DST: variants seen among roughly 807,000 people sequenced by gnomAD.
DST encodes the protein bullous pemphigoid antigen.
A neutral mutation model predicts 875.2 loss-of-function variants in DST; 253 were observed. The observed-to-expected ratio is 0.29, with a 90% CI of 0.26 to 0.32. The LOEUF (loss-of-function observed/expected upper bound fraction) is 0.32, where lower values mean the gene tolerates loss of function less well. Ranked by LOEUF, DST falls within the 10% of genes least tolerant of loss-of-function variation. DST has a pLI of 1.00. For synonymous variants in DST, 3,124 were observed against 3,197.1 expected (o/e 0.98, Z 0.77); for missense variants, 8,287 against 9,111.6 (o/e 0.91, Z 3.68).
At chr6:56,694,033 G>A (rs1286592970) in intron 9 of DST, among the ~76,000 whole-genome samples, 1 of 148,838 alleles carries the variant, frequency 6.7e-6, no homozygotes, top group Non-Finnish European at 1.5e-5. Context: ...AAATATATGT[G>A]CATTCATATA....
At chr6:56,625,067 G>C (rs1482669485) in intron 35 of DST, 90 bp downstream of exon 35, 6 of 884,822 alleles carry the variant, frequency 6.8e-6, no homozygotes, top group Non-Finnish European at 1.1e-5. Context: ...TTTATACTAT[G>C]TATATTTTAC....
intron 8 of DST, among the ~76,000 whole-genome samples, chr6:56,700,981 C>CCTT (rs1554643377): frequency 3.1e-5 from 4 of 128,500 alleles, no homozygotes; most frequent in Non-Finnish European, 6.5e-5. Flanking sequence ...TTTCTCTTGC[C>CCTT]TTTTTTTTTT....
At chr6:56,725,638 T>C (rs1241121726) in intron 5 of DST, among the ~76,000 whole-genome samples, 1 of 152,222 alleles carries the variant, frequency 6.6e-6, no homozygotes, top group African/African-American at 2.4e-5. Context: ...AGGAAACCAC[T>C]CTTTCTCCTC....
chr6:56,501,313 T>C, intron 79 of DST, 78 bp from the exon 80 acceptor site: 1 of 1,428,758 alleles, frequency 7.0e-7, no homozygotes, highest in Non-Finnish European at 9.4e-7. Flanking sequence ...AGGACAAAAA[T>C]AATTGTTTCA....
chr6:56,900,290 G>A (rs558068567), intron 3 of DST, 131 bp downstream of exon 3: 56 of 691,154 alleles, frequency 8.1e-5, no homozygotes, highest in African/African-American at 1.1e-4. Flanking sequence ...ATATGAGTAC[G>A]CTGCCACTTG....
chr6:56,601,492 T>C lies in DST; in HGVS notation c.11492A>G (p.Glu3831Gly). ...DVQESVTTQVERLETQLHLEQ... is the reference protein window; with the variant it reads ...DVQESVTTQVGRLETQLHLEQ... ...TAGATGTAACTGAGTCTCTAAACGTTCCACCTGGGTAGTTACTGACTCCTG... is the reference window on the plus strand; with the variant it reads ...TAGATGTAACTGAGTCTCTAAACGTCCCACCTGGGTAGTTACTGACTCCTG... The change falls in exon 44 of 104, where the codon GAA becomes GGA. Residue 3831 changes from glutamate to glycine, a missense_variant. Glu to Gly is a moderately conservative substitution (Grantham distance 98, BLOSUM62 -2). Coordinates refer to ENST00000680361, the MANE Select transcript of DST (RefSeq NM_001374736.1). 6.2e-7 allele frequency: 1 copy of C among 1,605,916 alleles called. No individual in the cohort carries two copies. The highest frequency in any genetic ancestry group is 8.5e-7 in the Non-Finnish European group (1 of 1,176,336).
intron 36 of DST, chr6:56,620,248 A>G (rs1450776687): frequency 1.2e-6 from 2 of 1,613,736 alleles, no homozygotes; most frequent in Non-Finnish European, 1.7e-6. Flanking sequence ...AATCATTGAG[A>G]CTTAAATCTT....
intron 4 of DST, among the ~76,000 whole-genome samples, chr6:56,838,167 C>A (rs1226258571): frequency 6.6e-6 from 1 of 152,162 alleles, no homozygotes; most frequent in South Asian, 2.1e-4. Context: ...TTCGAAACTA[C>A]AAATCATCTT....
chr6:56,629,435 T>C lies in DST; in HGVS notation c.4290A>G (p.Arg1430=), dbSNP rs2098759106. ...CCTGTCTCTTTTCATCTACTTCAGATCTCCATTGCTAAAATACATTAATTG... is the reference window on the plus strand; with the variant it reads ...CCTGTCTCTTTTCATCTACTTCAGACCTCCATTGCTAAAATACATTAATTG... ...ENLISTLKQW[R]SEVDEKRQVF... The change falls in exon 32 of 104, where the codon AGA becomes AGG. Residue 1430 remains arginine, a synonymous_variant. Transcript: ENST00000680361. 1 of 1,612,140 alleles carries C rather than the reference T, an allele frequency of 6.2e-7. No individual in the cohort carries two copies.
At chr6:56,639,229 A>G in intron 22 of DST, 30 bp downstream of exon 22, 1 of 1,537,418 alleles carries the variant, frequency 6.5e-7, no homozygotes. Context: ...ATCAATATTC[A>G]ACCAACACCA....
chr6:56,881,425 A>G (rs1782163414), intron 3 of DST, among the ~76,000 whole-genome samples: 1 of 152,106 alleles, frequency 6.6e-6, no homozygotes, highest in Non-Finnish European at 1.5e-5. Flanking sequence ...GTGAGCCAAG[A>G]CCATGCCATT....
intron 69 of DST, among the ~76,000 whole-genome samples, chr6:56,525,019 A>G (rs1326902954): frequency 6.6e-6 from 1 of 152,128 alleles, no homozygotes; most frequent in Non-Finnish European, 1.5e-5. Flanking sequence ...ACCTTGAAGA[A>G]CCTGGCCACA....
chr6:56,521,515 T>C (rs2096704330), intron 69 of DST, among the ~76,000 whole-genome samples: 1 of 143,766 alleles, frequency 7.0e-6, no homozygotes, highest in South Asian at 2.1e-4. Context: ...ATAAACAGTA[T>C]GGTGATACCA....
intron 4 of DST, among the ~76,000 whole-genome samples, chr6:56,747,991 A>G (rs1436895298): frequency 6.6e-6 from 1 of 152,318 alleles, no homozygotes; most frequent in Admixed American, 6.5e-5. Flanking sequence ...AAATAAAATC[A>G]ACAAATTATA....
At chr6:56,787,653 T>C (rs918396329) in intron 4 of DST, among the ~76,000 whole-genome samples, 7 of 152,148 alleles carry the variant, frequency 4.6e-5, no homozygotes, top group African/African-American at 9.7e-5. Context: ...TAATTAACCA[T>C]AGTGATTAAT....
In DST at chr6:56,611,557, A is replaced by G. The variant is rs369856118; in HGVS notation, c.5098T>C (p.Ser1700Pro). The change falls in exon 38 of 104, where the codon TCG (serine) becomes CCG (proline). Residue 1700 changes from serine to proline, a missense_variant. Ser to Pro is a moderately conservative substitution (Grantham distance 74, BLOSUM62 -1). Coordinates refer to ENST00000680361, the MANE Select transcript of DST (RefSeq NM_001374736.1). ...EEISTKKEQLSEALQTIQLFL... is the reference protein window; with the variant it reads ...EEISTKKEQLPEALQTIQLFL... ...AGCTGTATAGTTTGAAGTGCTTCCG[A>G]TAATTGTTCCTTCTTGGTTGATATT... The G allele has an allele frequency of 8.4e-5, 135 of 1,613,064 alleles. 1 individual carries two copies. Among genetic ancestry groups the G allele is most frequent in the Non-Finnish European group, 1.1e-4 (124 of 1,179,504 alleles).
At chr6:56,635,205 G>C (rs2098813410) in intron 24 of DST, among the ~76,000 whole-genome samples, 1 of 151,852 alleles carries the variant, frequency 6.6e-6, no homozygotes, top group South Asian at 2.1e-4. Flanking sequence ...TCTGTTTATT[G>C]TCTAACTCCC....
At chr6:56,808,613 G>A (rs1386265327) in intron 4 of DST, among the ~76,000 whole-genome samples, 3 of 152,132 alleles carry the variant, frequency 2.0e-5, no homozygotes, top group Non-Finnish European at 4.4e-5. Flanking sequence ...TAATAAAGAA[G>A]ACTACGGATG....
Position 56,572,219 on chromosome 6 carries a change from C to T in DST, c.13602G>A (p.Leu4534=). ...TGGATATCTCCTTCAAGAGACTATG[C>T]AAAACTTCAAGATGTTTCTTGTGTT... ...FLEHKKHLEV[L]HSLLKEISSH... The change falls in exon 53 of 104, where the codon TTG becomes TTA. Residue 4534 remains leucine (L), a synonymous_variant. Coordinates refer to ENST00000680361, the MANE Select transcript of DST (RefSeq NM_001374736.1). The T allele has an allele frequency of 6.3e-7, 1 of 1,576,530 alleles. No individual in the cohort carries two copies. The highest frequency in any genetic ancestry group is 8.6e-7 in the Non-Finnish European group (1 of 1,160,266).
Sources: gnomAD v4.1 joint callset for allele counts (sites outside exome capture counted in the v4.1 genomes callset) on GRCh38, gnomAD v4.1.1 for gene constraint, MANE v1.5 for transcripts, NCBI Gene and HGNC (gene_info 2026-07-23, HGNC 2026-07-21) for gene names.